The following SCAMP1 variants were observed in gnomAD, a reference collection of about 807,000 sequenced individuals.
SCAMP1 encodes secretory carrier membrane protein 1.
SCAMP1 carries 15 observed loss-of-function variants against 41.8 expected under a neutral mutation model. The ratio of observed to expected loss-of-function variants is 0.36; its 90% CI spans 0.24 to 0.55. The LOEUF (loss-of-function observed/expected upper bound fraction) is 0.55. SCAMP1 is among the 20% of genes least tolerant of loss of function. SCAMP1 has a pLI of 0.86. For missense variants in SCAMP1, 341 were observed against 412.6 expected, an observed-to-expected ratio of 0.83 and a Z score of 1.50; for synonymous variants, 135 against 136.8, an observed-to-expected ratio of 0.99 and a Z score of 0.09.
chr5:78,465,871 T>A (rs74811468), intron 8 of SCAMP1, among the ~76,000 whole-genome samples: 1,608 of 152,318 alleles, frequency 0.011, 35 homozygotes, highest in African/African-American at 0.036. Flanking sequence ...ACTCCAGTTG[T>A]GTTCTTAAGG....
chr5:78,412,447 T>C (rs1228345983), intron 2 of SCAMP1, among the ~76,000 whole-genome samples: 1 of 152,112 alleles, frequency 6.6e-6, no homozygotes, highest in Admixed American at 6.5e-5. Flanking sequence ...GGATTTTGTT[T>C]TTCCTCCCCC....
At chr5:78,438,543 C>T (rs1046310440) in intron 6 of SCAMP1, among the ~76,000 whole-genome samples, 2 of 152,286 alleles carry the variant, frequency 1.3e-5, no homozygotes, top group East Asian at 1.9e-4. Flanking sequence ...ATTCTTAATC[C>T]TGAGTTCCAG....
At chr5:78,443,653 C>CTTTTTTTTTTT (rs71613955) in intron 6 of SCAMP1, among the ~76,000 whole-genome samples, 9 of 71,964 alleles carry the variant, frequency 1.3e-4, no homozygotes, top group African/African-American at 2.3e-4. Context: ...AGTGGTTTTG[C>CTTTTTTTTTTT]TTTTTTTTTT....
At chr5:78,451,166 C>A (rs867693145) in intron 7 of SCAMP1, among the ~76,000 whole-genome samples, 1 of 151,882 alleles carries the variant, frequency 6.6e-6, no homozygotes, top group Admixed American at 6.6e-5. Context: ...GACTAAATAG[C>A]GTAAAAAGAG....
chr5:78,452,328 TC>T (rs1329110070), intron 7 of SCAMP1, among the ~76,000 whole-genome samples: 1 of 107,546 alleles, frequency 9.3e-6, no homozygotes, highest in Non-Finnish European at 1.9e-5. Flanking sequence ...ATGCTATCCC[TC>T]CCCCCTCCCT....
At chr5:78,431,608 TCTCTTAAA>T (rs1752626117) in intron 6 of SCAMP1, among the ~76,000 whole-genome samples, 1 of 150,146 alleles carries the variant, frequency 6.7e-6, no homozygotes, top group Non-Finnish European at 1.5e-5. Context: ...ATTATTTATA[TCTCTTAAA>T]ACTGTTTTTT....
intron 1 of SCAMP1, among the ~76,000 whole-genome samples, chr5:78,378,086 A>G (rs1227787642): frequency 6.6e-6 from 1 of 152,156 alleles, no homozygotes; most frequent in African/African-American, 2.4e-5. Flanking sequence ...ATTGGTCGTT[A>G]CCAGGTGCTC....
At position 78,465,983 on chromosome 5, in the gene SCAMP1, G is replaced by A. The variant is rs116309854; in HGVS notation, c.852+6621G>A. On this transcript the variant is annotated intron_variant, in intron 8 of 8. Coordinates refer to ENST00000621999, the MANE Select transcript of SCAMP1 (RefSeq NM_004866.6). Reference sequence around the variant, plus strand: ...ATTACATCTACAAGATACCTTCACAGCGGCACCTAGGTTAGTGTTTGATTG... The same window carrying A: ...ATTACATCTACAAGATACCTTCACAACGGCACCTAGGTTAGTGTTTGATTG... Among the ~76,000 whole-genome samples the A allele has an allele frequency of 1.7e-3, 261 of 152,352 alleles. 1 individual carries two copies. Among genetic ancestry groups the A allele is most frequent in the African/African-American group, 6.1e-3 (253 of 41,586 alleles).
At chr5:78,472,869 A>G (rs1753918539) in intron 8 of SCAMP1, among the ~76,000 whole-genome samples, 1 of 152,188 alleles carries the variant, frequency 6.6e-6, no homozygotes, top group South Asian at 2.1e-4. Context: ...TATTTATTAC[A>G]TGCTCACAAA....
At chr5:78,389,221 C>A (rs1282461838) in intron 2 of SCAMP1, among the ~76,000 whole-genome samples, 1 of 152,062 alleles carries the variant, frequency 6.6e-6, no homozygotes, top group Non-Finnish European at 1.5e-5. Flanking sequence ...AGAAATATTT[C>A]TTGGTATACA....
intron 8 of SCAMP1, among the ~76,000 whole-genome samples, chr5:78,467,007 G>A (rs972345098): frequency 3.3e-5 from 5 of 152,114 alleles, no homozygotes; most frequent in Non-Finnish European, 7.4e-5. Flanking sequence ...CAAGAAGAGA[G>A]TACAAGAAAA....
At chr5:78,384,745 G>A (rs536373474) in intron 1 of SCAMP1, among the ~76,000 whole-genome samples, 81 of 152,166 alleles carry the variant, frequency 5.3e-4, no homozygotes, top group Non-Finnish European at 9.4e-4. Flanking sequence ...TTTATGTGGT[G>A]TATCACATTT....
At chr5:78,411,218 A>G (rs553532456) in intron 2 of SCAMP1, among the ~76,000 whole-genome samples, 16 of 152,274 alleles carry the variant, frequency 1.1e-4, no homozygotes, top group African/African-American at 3.1e-4. Flanking sequence ...GCCCGTGCCT[A>G]CACCCTGAAT....
At position 78,457,499 on chromosome 5, in the gene SCAMP1, G is replaced by A. The variant is rs6868996; in HGVS notation, c.735-1746G>A. ...GGTGCCTCCCAGTTAGGCTGCTCGG[G>A]GGTCAGGGGTCAGGGACCCAGTTGA... On this transcript the variant is annotated intron_variant, in intron 7 of 8. Coordinates refer to ENST00000621999, the MANE Select transcript of SCAMP1 (RefSeq NM_004866.6). 4.9e-4 allele frequency among the ~76,000 whole-genome samples: 74 copies of A among 152,244 alleles called. No individual in the cohort carries two copies. The East Asian group carries it at 0.011, about 23-fold the overall frequency.
intron 6 of SCAMP1, among the ~76,000 whole-genome samples, chr5:78,429,934 C>T (rs1209323730): frequency 2.7e-5 from 4 of 150,522 alleles, no homozygotes; most frequent in Non-Finnish European, 5.9e-5. Flanking sequence ...CCCCTTTTCC[C>T]CAACACACAT....
rs569048655 is a variant in SCAMP1 at position 78,432,308 on chromosome 5, G to A, written c.632+10348G>A. On this transcript the variant is annotated intron_variant, in intron 6 of 8. Transcript: ENST00000621999. ...TTCATTTGTGTGTGTGGGTGTATAT[G>A]TGGAGATCCATGTTTTTGTATCATA... 3.2e-3 allele frequency among the ~76,000 whole-genome samples: 480 copies of A among 152,222 alleles called. 2 individuals carry two copies. The highest frequency in any genetic ancestry group is 0.014 in the South Asian group (68 of 4,818).
At position 78,400,253 on chromosome 5, in the gene SCAMP1, A is replaced by G. The variant is rs1245934810; in HGVS notation, c.135+11339A>G. ...TTTTCTAATCTTTTGTCAATACTAT[A>G]CTGTATGGATTACTGTTACTTTATA... On this transcript the variant is annotated intron_variant, in intron 2 of 8. Coordinates refer to ENST00000621999, the MANE Select transcript of SCAMP1 (RefSeq NM_004866.6). Among the ~76,000 whole-genome samples, 3 of 152,298 alleles carry G rather than the reference A, an allele frequency of 2.0e-5. No homozygotes were observed. In the East Asian group the frequency reaches 5.8e-4, roughly 29 times the overall value.
intron 6 of SCAMP1, among the ~76,000 whole-genome samples, chr5:78,440,333 T>G (rs1216959766): frequency 6.6e-6 from 1 of 152,216 alleles, no homozygotes; most frequent in Admixed American, 6.5e-5. Flanking sequence ...TCTCCCCATC[T>G]TTGTGGTTTT....
At chr5:78,454,041 A>G (rs1316861786) in intron 7 of SCAMP1, among the ~76,000 whole-genome samples, 5 of 152,208 alleles carry the variant, frequency 3.3e-5, no homozygotes, top group Non-Finnish European at 7.3e-5. Context: ...TTGTATCCTG[A>G]GACTTTGCTG....
Sources: gnomAD v4.1 joint callset for allele counts (sites outside exome capture counted in the v4.1 genomes callset) on GRCh38, gnomAD v4.1.1 for gene constraint, MANE v1.5 for transcripts, NCBI Gene and HGNC (gene_info 2026-07-23, HGNC 2026-07-21) for gene names.